The following RBM5 variants were observed in gnomAD, a reference collection of about 807,000 sequenced individuals.
The protein encoded by RBM5 is RNA-binding protein 5.
In RBM5, 15 loss-of-function variants were observed where a neutral mutation model predicts 124.6. The observed-to-expected ratio is 0.12, with a 90% CI of 0.08 to 0.19. The LOEUF (loss-of-function observed/expected upper bound fraction) is 0.19, where lower values mean the gene tolerates loss of function less well. Ranked by LOEUF, RBM5 falls within the 10% of genes least tolerant of loss-of-function variation. RBM5 has a pLI of 1.00. For missense variants in RBM5, 580 were observed against 1,026.5 expected (o/e 0.57, Z 5.94); for synonymous variants, 337 against 361.2 (o/e 0.93, Z 0.76).
intron 4 of RBM5, among the ~76,000 whole-genome samples, chr3:50,095,933 T>C (rs572198138): frequency 1.3e-5 from 2 of 152,338 alleles, no homozygotes; most frequent in Admixed American, 6.5e-5. Flanking sequence ...TAATGTTTAG[T>C]TGAATTTTGG....
At chr3:50,094,652 T>G (rs2090774372) in intron 4 of RBM5, among the ~76,000 whole-genome samples, 1 of 152,194 alleles carries the variant, frequency 6.6e-6, no homozygotes. Context: ...GCTAATTTAT[T>G]TTTTGTAGAG....
intron 12 of RBM5, 59 bp downstream of exon 12, chr3:50,107,628 C>T (rs1207519475): frequency 8.0e-6 from 9 of 1,119,616 alleles, no homozygotes; most frequent in South Asian, 2.5e-5. Flanking sequence ...GATTCACAGA[C>T]GTGACCTCTC....
chr3:50,100,109 C>T lies in RBM5; in HGVS notation c.409+58C>T. The T allele has an allele frequency of 2.0e-6, 3 of 1,471,084 alleles. No individual in the cohort carries two copies. Among genetic ancestry groups the T allele is most frequent in the Non-Finnish European group, 2.8e-6 (3 of 1,060,528 alleles). 91.1% of individuals were successfully genotyped at this position (1,471,084 alleles called of 1,614,324 possible). A position where few individuals can be genotyped will look rare whatever the true frequency, so the allele number is the denominator to read the frequency against. On this transcript the variant is annotated intron_variant, in intron 5 of 24. Transcript: ENST00000347869. This position sits in a 1 kb window ranked among gnomAD's most constrained non-coding sequence, Gnocchi z 5.1. ...TCTCTTCCCCATTCCCACCTCAGTC[C>T]CTAAAGAACATCCTGATTCCCCCAG... is the stretch of plus-strand genomic sequence containing the variant.
intron 12 of RBM5, 98 bp downstream of exon 12, chr3:50,107,667 C>CTTTGCTTTTTT (rs2091060242): frequency 7.4e-6 from 1 of 135,140 alleles, no homozygotes; most frequent in Non-Finnish European, 1.3e-5. Context: ...GAGCTCTTTT[C>CTTTGCTTTTTT]TTTTCTTTTT....
chr3:50,102,888 C>T (rs2090967426), intron 6 of RBM5, 195 bp from the exon 7 acceptor site: 8 of 570,196 alleles, frequency 1.4e-5, no homozygotes, highest in Non-Finnish European at 2.5e-5. Context: ...CTCCGTTTAC[C>T]TTTACTCCGC....
At chr3:50,109,240 A>G (rs200891511) in intron 14 of RBM5, among the ~76,000 whole-genome samples, 6 of 151,928 alleles carry the variant, frequency 3.9e-5, no homozygotes, top group African/African-American at 1.2e-4. Flanking sequence ...CTCCCGGCTA[A>G]TTTTTTGTAT....
intron 10 of RBM5, among the ~76,000 whole-genome samples, chr3:50,106,456 A>G (rs1243040462): frequency 6.6e-6 from 1 of 152,070 alleles, no homozygotes; most frequent in Non-Finnish European, 1.5e-5. Context: ...TAGTAGAGAC[A>G]GGTTTTTGCC....
intron 4 of RBM5, among the ~76,000 whole-genome samples, chr3:50,097,223 GTC>G (rs1299144704): frequency 8.5e-5 from 13 of 152,132 alleles, no homozygotes; most frequent in Middle Eastern, 3.4e-3. Context: ...GTGAAACCCT[GTC>G]TCTACTAAAA....
intron 2 of RBM5, 82 bp from the exon 3 acceptor site, chr3:50,091,961 T>G: frequency 7.1e-7 from 1 of 1,411,740 alleles, no homozygotes; most frequent in Non-Finnish European, 1.0e-6. Context: ...AACTGATCTG[T>G]GGGCCGTGTG....
chr3:50,093,886 A>G lies in RBM5; in HGVS notation c.339+11A>G. On this transcript the variant is annotated intron_variant, in intron 4 of 24. Transcript: ENST00000347869. ...ATCACAGAGAGCGATGTAAGGGGAAATGACAGTTATAACCAGCAGTCAGTA... is the reference window on the plus strand; with the variant it reads ...ATCACAGAGAGCGATGTAAGGGGAAGTGACAGTTATAACCAGCAGTCAGTA... The G allele has an allele frequency of 6.3e-7, 1 of 1,598,622 alleles. No individual in the cohort carries two copies. Among genetic ancestry groups the G allele is most frequent in the South Asian group, 1.1e-5 (1 of 90,540 alleles).
intron 6 of RBM5, chr3:50,102,027 T>A (rs2090949902): frequency 6.6e-6 from 1 of 152,230 alleles, no homozygotes; most frequent in African/African-American, 2.4e-5. Flanking sequence ...ATTCACAGCA[T>A]GTCTTAAATC....
At position 50,115,481 on chromosome 3, in the gene RBM5, G is replaced by A; in HGVS notation, c.1893G>A (p.Val631=). 1 of 1,614,098 alleles carries A rather than the reference G, an allele frequency of 6.2e-7. No homozygotes were observed. Among genetic ancestry groups the A allele is most frequent in the Non-Finnish European group, 8.5e-7 (1 of 1,180,018 alleles). Residue 631 remains valine (V), a synonymous_variant, in exon 21 of 25, where the codon GTG becomes GTA. Coordinates refer to ENST00000347869, the MANE Select transcript of RBM5 (RefSeq NM_005778.4). ...SGDSDNEEEL[V]ERLESEEEKL... ...ACAGTGACAATGAGGAGGAGCTGGTGGAGAGACTTGAGAGTGAGGAAGAGA... is the reference window on the plus strand; with the variant it reads ...ACAGTGACAATGAGGAGGAGCTGGTAGAGAGACTTGAGAGTGAGGAAGAGA...
chr3:50,116,482 C>T (rs143722879), intron 22 of RBM5: 113 of 168,994 alleles, frequency 6.7e-4, no homozygotes, highest in African/African-American at 2.6e-3. Flanking sequence ...GGCAGGTTGG[C>T]GGCCAGGTGG....
chr3:50,092,185 T>C lies in RBM5; in HGVS notation c.160T>C (p.Tyr54His), dbSNP rs771796030. Reference sequence around the variant, plus strand: ...TCGGAGGGGTGATAGATATGATGACTACCGAGACTATGACAGTCCAGAGGT... The same window carrying C: ...TCGGAGGGGTGATAGATATGATGACCACCGAGACTATGACAGTCCAGAGGT... ...DDRRGDRYDD[Y>H]RDYDSPERER... The change falls in exon 3 of 25, where the codon TAC becomes CAC. Residue 54 changes from tyrosine (Y) to histidine (H), a missense_variant. Physicochemically the swap from Tyr to His is moderately conservative, Grantham distance 83. Around this residue, in one of 6 missense-constraint regions of RBM5, gnomAD observed 99 missense variants for 121.1 expected, o/e 0.82. Transcript: ENST00000347869. 3.1e-6 allele frequency: 5 copies of C among 1,613,386 alleles called. No individual in the cohort carries two copies. In the East Asian group the frequency reaches 1.1e-4, roughly 36 times the overall value.
At chr3:50,098,680 G>C (rs933929153) in intron 4 of RBM5, among the ~76,000 whole-genome samples, 2 of 151,944 alleles carry the variant, frequency 1.3e-5, no homozygotes, top group African/African-American at 4.8e-5. Context: ...TTGACCTCGT[G>C]ATCCACCTGC....
intron 12 of RBM5, 80 bp downstream of exon 12, chr3:50,107,649 C>T (rs563893929): frequency 2.3e-5 from 13 of 577,568 alleles, no homozygotes; most frequent in Admixed American, 2.2e-4. Flanking sequence ...CTGTGGTACT[C>T]GCAGTATGAG....
At position 50,099,888 on chromosome 3, in the gene RBM5, A is replaced by T. The variant is rs931111079; in HGVS notation, c.340-94A>T. 7.0e-6 allele frequency: 8 copies of T among 1,141,496 alleles called. No homozygotes were observed. In the Admixed American group the frequency reaches 2.5e-4, roughly 35 times the overall value. 70.7% of individuals were successfully genotyped at this position (1,141,496 alleles called of 1,614,324 possible). A position where few individuals can be genotyped will look rare whatever the true frequency, so the allele number is the denominator to read the frequency against. On this transcript the variant is annotated intron_variant, in intron 4 of 24. Coordinates refer to ENST00000347869, the MANE Select transcript of RBM5 (RefSeq NM_005778.4). ...GACTCCCATCTTAAAAAAAAAAAAA[A>T]CTTGGCTAATTAAACAGTTGATGTA...
intron 4 of RBM5, among the ~76,000 whole-genome samples, chr3:50,099,036 C>T (rs1384383354): frequency 2.6e-5 from 4 of 152,142 alleles, no homozygotes; most frequent in Admixed American, 2.6e-4. Context: ...GGCCGGATCG[C>T]TTGAGCCCAG....
chr3:50,106,615 T>G (rs752452108), intron 10 of RBM5, 152 bp from the exon 11 acceptor site: 7 of 609,846 alleles, frequency 1.1e-5, no homozygotes, highest in South Asian at 4.0e-5. Flanking sequence ...GAAAGAGAGA[T>G]ATTCCTTTCT....
Sources: gnomAD v4.1 joint callset for allele counts (sites outside exome capture counted in the v4.1 genomes callset) on GRCh38, gnomAD v4.1.1 for gene constraint, gnomAD v4.1.1 regional missense constraint, Gnocchi (gnomAD v3.1) non-coding constraint, MANE v1.5 for transcripts, NCBI Gene and HGNC (gene_info 2026-07-23, HGNC 2026-07-21) for gene names.